NKAIN3: variants seen among roughly 807,000 people sequenced by gnomAD.
NKAIN3 encodes sodium/potassium-transporting ATPase subunit beta-1-interacting protein 3.
A neutral mutation model predicts 30.2 loss-of-function variants in NKAIN3; 25 were observed. The ratio of observed to expected loss-of-function variants is 0.83; its 90% CI spans 0.60 to 1.16. The LOEUF is 1.16. Ranked by LOEUF, NKAIN3 falls within the 50% of genes most tolerant of loss-of-function variation. The pLI is 0.00. For synonymous variants in NKAIN3, 91 were observed against 89.6 expected, an observed-to-expected ratio of 1.02 and a Z score of -0.09; for missense variants, 225 against 254.1, an observed-to-expected ratio of 0.89 and a Z score of 0.78.
intron 1 of NKAIN3, among the ~76,000 whole-genome samples, chr8:62,511,535 C>T (rs963380038): frequency 3.9e-5 from 6 of 152,164 alleles, no homozygotes; most frequent in African/African-American, 1.4e-4. Flanking sequence ...TGACTATCCT[C>T]TGCCCAAAAT....
chr8:62,779,111 C>T (rs1313896475), intron 4 of NKAIN3, among the ~76,000 whole-genome samples: 1 of 151,962 alleles, frequency 6.6e-6, no homozygotes, highest in African/African-American at 2.4e-5. Flanking sequence ...TTTACTCTTC[C>T]CTCTCCTCTC....
At chr8:62,354,940 C>T (rs965142452) in intron 1 of NKAIN3, among the ~76,000 whole-genome samples, 3 of 152,094 alleles carry the variant, frequency 2.0e-5, no homozygotes, top group Non-Finnish European at 4.4e-5. Context: ...GGCCCTTTCT[C>T]CTGGAGGGTG....
At chr8:62,471,086 A>T (rs1806326051) in intron 1 of NKAIN3, among the ~76,000 whole-genome samples, 1 of 152,140 alleles carries the variant, frequency 6.6e-6, no homozygotes, top group South Asian at 2.1e-4. Flanking sequence ...AAAGTGGGGG[A>T]AAACCAACTT....
At chr8:62,784,809 T>C (rs1817463990) in intron 4 of NKAIN3, among the ~76,000 whole-genome samples, 1 of 151,940 alleles carries the variant, frequency 6.6e-6, no homozygotes, top group Non-Finnish European at 1.5e-5. Context: ...GTCACAAAAA[T>C]AAAAAACATA....
intron 4 of NKAIN3, among the ~76,000 whole-genome samples, chr8:62,786,657 T>C (rs943312226): frequency 3.9e-5 from 6 of 152,176 alleles, no homozygotes; most frequent in African/African-American, 1.4e-4. Context: ...CAGTTTTGCA[T>C]TAGAATGCAT....
intron 4 of NKAIN3, among the ~76,000 whole-genome samples, chr8:62,881,227 CA>C (rs969215644): frequency 6.6e-6 from 1 of 152,162 alleles, no homozygotes. Context: ...CTCCATCCAT[CA>C]TTATAGTATC....
At chr8:62,749,177 T>C (rs1288626907) in intron 4 of NKAIN3, among the ~76,000 whole-genome samples, 1 of 152,340 alleles carries the variant, frequency 6.6e-6, no homozygotes, top group South Asian at 2.1e-4. Flanking sequence ...TTTTGTGGAA[T>C]GATAGCATGG....
intron 1 of NKAIN3, among the ~76,000 whole-genome samples, chr8:62,389,005 G>A (rs1293687354): frequency 6.6e-6 from 1 of 152,144 alleles, no homozygotes; most frequent in African/African-American, 2.4e-5. Context: ...GCCCTCCAGG[G>A]AGCAGCCCGT....
intron 4 of NKAIN3, among the ~76,000 whole-genome samples, chr8:62,911,407 C>T (rs1024526022): frequency 1.3e-5 from 2 of 152,164 alleles, no homozygotes; most frequent in South Asian, 2.1e-4. Context: ...TATGGGCTTA[C>T]GATCCAATAA....
intron 2 of NKAIN3, among the ~76,000 whole-genome samples, chr8:62,580,906 T>TATATATATA (rs71974501): frequency 2.8e-4 from 31 of 112,316 alleles, no homozygotes; most frequent in Non-Finnish European, 5.6e-4. Flanking sequence ...GCTAGGGTTT[T>TATATATATA]TATATATATA....
intron 1 of NKAIN3, among the ~76,000 whole-genome samples, chr8:62,400,649 A>G (rs1412331724): frequency 6.6e-6 from 1 of 151,320 alleles, no homozygotes; most frequent in Non-Finnish European, 1.5e-5. Context: ...TCTCTCCTTC[A>G]TCTTTGAAGG....
Position 62,426,675 on chromosome 8 carries a change from T to C in NKAIN3, c.55-152864T>C, listed in dbSNP as rs1804816782. On this transcript the variant is annotated intron_variant, in intron 1 of 6. Coordinates refer to ENST00000623646, the MANE Select transcript of NKAIN3 (RefSeq NM_001304533.3). Reference sequence around the variant, plus strand: ...CTTGTGTATAATTGGGTGGAGCCTATTTCATTAATTAAGAGTTTTAGTAAA... The same window carrying C: ...CTTGTGTATAATTGGGTGGAGCCTACTTCATTAATTAAGAGTTTTAGTAAA... Among the ~76,000 whole-genome samples the C allele has an allele frequency of 2.0e-5, 3 of 151,998 alleles. 1 individual carries two copies. The South Asian group carries it at 6.2e-4, about 32-fold the overall frequency.
chr8:62,570,660 A>G (rs1238935265), intron 1 of NKAIN3, among the ~76,000 whole-genome samples: 3 of 152,178 alleles, frequency 2.0e-5, no homozygotes, highest in Non-Finnish European at 4.4e-5. Context: ...GGTCCCTCCC[A>G]TAATATATGG....
chr8:62,524,739 T>A (rs989992028), intron 1 of NKAIN3, among the ~76,000 whole-genome samples: 7 of 152,290 alleles, frequency 4.6e-5, no homozygotes, highest in South Asian at 2.1e-4. Context: ...AGAGCTGTGA[T>A]ATTTTCCCTC....
intron 1 of NKAIN3, among the ~76,000 whole-genome samples, chr8:62,545,467 G>T (rs1310603503): frequency 6.6e-6 from 1 of 152,138 alleles, no homozygotes; most frequent in Non-Finnish European, 1.5e-5. Context: ...TACTCAGGAG[G>T]CTGAGGTAGG....
At chr8:62,485,925 G>A (rs574049563) in intron 1 of NKAIN3, among the ~76,000 whole-genome samples, 1 of 152,168 alleles carries the variant, frequency 6.6e-6, no homozygotes, top group African/African-American at 2.4e-5. Flanking sequence ...ATGGGGCGGG[G>A]CTGAGTGATG....
chr8:62,722,337 G>T (rs1815118891), intron 3 of NKAIN3, among the ~76,000 whole-genome samples: 1 of 152,142 alleles, frequency 6.6e-6, no homozygotes, highest in South Asian at 2.1e-4. Flanking sequence ...TGGCTTGGAA[G>T]CCCTCTGGGC....
chr8:62,310,548 G>A (rs1317159254), intron 1 of NKAIN3, among the ~76,000 whole-genome samples: 1 of 150,460 alleles, frequency 6.6e-6, no homozygotes, highest in Non-Finnish European at 1.5e-5. Context: ...TAGGATACAT[G>A]GGACTTTTTC....
intron 1 of NKAIN3, among the ~76,000 whole-genome samples, chr8:62,365,779 T>TC (rs1231301146): frequency 6.6e-6 from 1 of 152,154 alleles, no homozygotes; most frequent in Admixed American, 6.6e-5. Flanking sequence ...TATAAAATTT[T>TC]TTTTTTAATC....
Sources: allele counts gnomAD v4.1 joint callset (sites outside exome capture counted in the v4.1 genomes callset), GRCh38; gene constraint gnomAD v4.1.1; transcripts MANE v1.5; gene names NCBI Gene and HGNC (gene_info 2026-07-23, HGNC 2026-07-21).